TRDN: variants seen among roughly 807,000 people sequenced by gnomAD.
TRDN encodes triadin in skeletal muscle.
Under a neutral mutation model 149.7 loss-of-function variants are expected in TRDN, and 161 were observed. The ratio of observed to expected loss-of-function variants is 1.08; its 90% CI spans 0.95 to 1.23. The LOEUF is 1.23. TRDN is among the 50% of genes most tolerant of loss of function. The pLI is 0.00. For missense variants in TRDN, 896 were observed against 823.5 expected, an observed-to-expected ratio of 1.09 and a Z score of -1.08; for synonymous variants, 294 against 250.5, an observed-to-expected ratio of 1.17 and a Z score of -1.64.
At chr6:123,578,637 G>A (rs991114900) in intron 1 of TRDN, among the ~76,000 whole-genome samples, 7 of 151,878 alleles carry the variant, frequency 4.6e-5, no homozygotes, top group Non-Finnish European at 7.4e-5. Flanking sequence ...TGGCTATTTG[G>A]GCCCTTATTT....
intron 24 of TRDN, among the ~76,000 whole-genome samples, chr6:123,286,707 A>G (rs1427679970): frequency 6.6e-6 from 1 of 152,018 alleles, no homozygotes; most frequent in African/African-American, 2.4e-5. Flanking sequence ...AATTAAAAAA[A>G]CACACACACA....
intron 34 of TRDN, 92 bp downstream of exon 34, chr6:123,260,520 G>T: frequency 7.6e-7 from 1 of 1,319,420 alleles, no homozygotes; most frequent in Non-Finnish European, 1.0e-6. Context: ...GAGCAGCTAA[G>T]GGATTTTCTA....
intron 24 of TRDN, among the ~76,000 whole-genome samples, chr6:123,290,730 T>C (rs762684294): frequency 1.1e-4 from 16 of 152,210 alleles, no homozygotes; most frequent in Non-Finnish European, 2.1e-4. Flanking sequence ...TTATATAAAA[T>C]GTGCCAAAGA....
At chr6:123,514,113 C>T (rs1779310340) in intron 6 of TRDN, among the ~76,000 whole-genome samples, 1 of 151,972 alleles carries the variant, frequency 6.6e-6, no homozygotes, top group South Asian at 2.1e-4. Flanking sequence ...ACCTGTAATC[C>T]CAGCACTTTG....
chr6:123,530,444 C>T (rs1185986200), intron 5 of TRDN, 62 bp downstream of exon 5: 6 of 985,082 alleles, frequency 6.1e-6, no homozygotes, highest in South Asian at 4.9e-5. Flanking sequence ...AATTTTTTCT[C>T]GCATATGAAT....
intron 12 of TRDN, among the ~76,000 whole-genome samples, chr6:123,397,047 G>GA (rs5879676): frequency 0.19 from 28,502 of 147,852 alleles, 3,661 homozygotes; most frequent in East Asian, 0.64. Context: ...TCCCATCTCT[G>GA]AAAAAAAAAA....
chr6:123,225,139 T>G (rs2114507917), intron 38 of TRDN, among the ~76,000 whole-genome samples: 1 of 151,824 alleles, frequency 6.6e-6, no homozygotes, highest in Admixed American at 6.6e-5. Flanking sequence ...GAAAGATGCC[T>G]TATATTATTA....
intron 6 of TRDN, among the ~76,000 whole-genome samples, chr6:123,514,052 G>A (rs1779305452): frequency 6.6e-6 from 1 of 152,154 alleles, no homozygotes; most frequent in Non-Finnish European, 1.5e-5. Context: ...AGGAATTAAA[G>A]TTAAATTTAA....
intron 9 of TRDN, chr6:123,468,701 C>T (rs149689013): frequency 4.9e-4 from 75 of 152,238 alleles, no homozygotes; most frequent in African/African-American, 1.5e-3. Context: ...TCTTTATGAA[C>T]GAGATTCCCT....
chr6:123,293,761 C>A (rs1337580297), intron 24 of TRDN, among the ~76,000 whole-genome samples: 1 of 152,038 alleles, frequency 6.6e-6, no homozygotes, highest in Admixed American at 6.5e-5. Context: ...TTTAGGAACT[C>A]CCTAGGGAGT....
chr6:123,252,522 T>TTAGA, intron 37 of TRDN, 87 bp from the exon 38 acceptor site: 1 of 684,558 alleles, frequency 1.5e-6, no homozygotes, highest in Non-Finnish European at 2.4e-6. Context: ...AAATATCTAA[T>TTAGA]TATTTTGTTT....
chr6:123,496,743 T>G (rs534872386), intron 9 of TRDN, among the ~76,000 whole-genome samples: 3 of 152,164 alleles, frequency 2.0e-5, no homozygotes, highest in Admixed American at 2.0e-4. Context: ...ACCAAGTTCA[T>G]GTATAAGGGA....
At chr6:123,242,017 A>T (rs946483065) in intron 38 of TRDN, among the ~76,000 whole-genome samples, 6 of 152,192 alleles carry the variant, frequency 3.9e-5, no homozygotes, top group African/African-American at 7.2e-5. Context: ...AGACTACAGC[A>T]ACAAAATAAC....
At chr6:123,546,407 T>A (rs1181083278) in intron 4 of TRDN, among the ~76,000 whole-genome samples, 2 of 152,086 alleles carry the variant, frequency 1.3e-5, no homozygotes, top group African/African-American at 2.4e-5. Flanking sequence ...AGTCATCATT[T>A]TCTCAGGGAA....
chr6:123,490,312 C>T (rs1454374411), intron 9 of TRDN, among the ~76,000 whole-genome samples: 2 of 152,114 alleles, frequency 1.3e-5, no homozygotes, highest in Middle Eastern at 3.4e-3. Context: ...ATCTGAAAAC[C>T]GAGATACCTA....
At chr6:123,269,667 C>A (rs1777138413) in intron 31 of TRDN, among the ~76,000 whole-genome samples, 182 bp downstream of exon 31, 1 of 151,436 alleles carries the variant, frequency 6.6e-6, no homozygotes, top group African/African-American at 2.4e-5. Context: ...TAAATCAATG[C>A]CATAGCAATA....
chr6:123,366,556 T>C (rs1781107426), intron 19 of TRDN, among the ~76,000 whole-genome samples: 1 of 152,076 alleles, frequency 6.6e-6, no homozygotes. Flanking sequence ...TGGCTCTTGT[T>C]GCCCAGGCTG....
intron 10 of TRDN, among the ~76,000 whole-genome samples, chr6:123,453,900 T>C (rs536671072): frequency 6.6e-6 from 1 of 151,986 alleles, no homozygotes; most frequent in East Asian, 1.9e-4. Flanking sequence ...GGTGTGTGTG[T>C]GTGTGTGTGT....
At chr6:123,624,457 C>G (rs1184050926) in intron 1 of TRDN, among the ~76,000 whole-genome samples, 1 of 152,166 alleles carries the variant, frequency 6.6e-6, no homozygotes, top group Non-Finnish European at 1.5e-5. Flanking sequence ...CTCTCAGTCA[C>G]TATGAACAAA....
Sources: allele counts gnomAD v4.1 joint callset (sites outside exome capture counted in the v4.1 genomes callset), GRCh38; gene constraint gnomAD v4.1.1; transcripts MANE v1.5; gene names NCBI Gene and HGNC (gene_info 2026-07-23, HGNC 2026-07-21).